Variants in PRELID2 observed in about 807,000 individuals in gnomAD.
PRELID2 encodes the protein PRELI domain containing 2.
PRELID2 carries 25 observed loss-of-function variants against 28.4 expected under a neutral mutation model. The observed-to-expected ratio is 0.88, with a 90% CI of 0.64 to 1.23. The LOEUF (loss-of-function observed/expected upper bound fraction) is 1.23, where lower values mean the gene tolerates loss of function less well. PRELID2 is among the 50% of genes most tolerant of loss of function. PRELID2 has a pLI of 0.00. For synonymous variants in PRELID2, 76 were observed against 71.6 expected, an observed-to-expected ratio of 1.06 and a Z score of -0.31; for missense variants, 201 against 214.4, an observed-to-expected ratio of 0.94 and a Z score of 0.39.
chr5:145,448,973 G>A, the PRELID2 span, among the ~76,000 whole-genome samples: 2 of 152,018 alleles, frequency 1.3e-5, no homozygotes, highest in African/African-American at 4.8e-5. Context: ...GAAATATACT[G>A]GATCATGCAA....
At chr5:145,501,186 A>T (rs1163536341) in intron 1 of PRELID2, among the ~76,000 whole-genome samples, 1 of 152,152 alleles carries the variant, frequency 6.6e-6, no homozygotes, top group Non-Finnish European at 1.5e-5. Flanking sequence ...GTTGTGTTAA[A>T]ATCTGGTTCA....
chr5:145,298,312 G>A, the PRELID2 span, among the ~76,000 whole-genome samples: 341 of 152,108 alleles, frequency 2.2e-3, 2 homozygotes, highest in African/African-American at 7.8e-3. Flanking sequence ...CAGAAATAAC[G>A]CCGCATATCT....
chr5:145,460,103 C>T, the PRELID2 span, among the ~76,000 whole-genome samples: 4 of 152,168 alleles, frequency 2.6e-5, no homozygotes, highest in Non-Finnish European at 5.9e-5. Flanking sequence ...GCCACTGTGC[C>T]CAGCCTGTTA....
At chr5:145,640,407 C>T (rs1462002589) in intron 1 of PRELID2, among the ~76,000 whole-genome samples, 3 of 146,938 alleles carry the variant, frequency 2.0e-5, no homozygotes, top group African/African-American at 5.1e-5. Flanking sequence ...ACCCGGGAGG[C>T]GGAGCTTGCA....
chr5:145,785,131 G>A (rs1378920642), intron 5 of PRELID2, among the ~76,000 whole-genome samples: 1 of 152,118 alleles, frequency 6.6e-6, no homozygotes, highest in Non-Finnish European at 1.5e-5. Flanking sequence ...TTTACTATGT[G>A]CCAGGCATAT....
At chr5:145,529,112 C>T (rs570117284) in intron 1 of PRELID2, among the ~76,000 whole-genome samples, 2 of 152,240 alleles carry the variant, frequency 1.3e-5, no homozygotes, top group Admixed American at 6.5e-5. Flanking sequence ...ATTAATTTGG[C>T]ATATAATGAA....
the PRELID2 span, among the ~76,000 whole-genome samples, chr5:145,261,105 G>A: frequency 6.6e-6 from 1 of 152,072 alleles, no homozygotes; most frequent in Admixed American, 6.6e-5. Flanking sequence ...ATCCACCCAG[G>A]AACGTAATTT....
At chr5:145,505,967 G>A (rs1324914685) in intron 1 of PRELID2, among the ~76,000 whole-genome samples, 1 of 152,176 alleles carries the variant, frequency 6.6e-6, no homozygotes, top group Non-Finnish European at 1.5e-5. Context: ...ATGGAAAATA[G>A]AATGGTGGTT....
At chr5:145,352,411 A>G in the PRELID2 span, among the ~76,000 whole-genome samples, 1 of 152,150 alleles carries the variant, frequency 6.6e-6, no homozygotes, top group African/African-American at 2.4e-5. Flanking sequence ...TGAGCTGTAC[A>G]TTGGCCCTTT....
At chr5:145,574,977 G>C (rs1020473759) in intron 1 of PRELID2, among the ~76,000 whole-genome samples, 1 of 152,170 alleles carries the variant, frequency 6.6e-6, no homozygotes, top group Non-Finnish European at 1.5e-5. Flanking sequence ...ATCCATGAAA[G>C]TGGAACCCAT....
the PRELID2 span, among the ~76,000 whole-genome samples, chr5:145,280,183 G>T: frequency 6.6e-6 from 1 of 152,010 alleles, no homozygotes; most frequent in Admixed American, 6.6e-5. Context: ...AAACATGCCG[G>T]CCCCCTCCCT....
intron 1 of PRELID2, among the ~76,000 whole-genome samples, chr5:145,682,293 T>C (rs1754952081): frequency 6.6e-6 from 1 of 152,202 alleles, no homozygotes; most frequent in African/African-American, 2.4e-5. Context: ...GGGAGGAAAA[T>C]GTACAGTTTC....
downstream of PRELID2, among the ~76,000 whole-genome samples, chr5:145,753,869 A>G (rs1757189390): frequency 6.6e-6 from 1 of 152,170 alleles, no homozygotes; most frequent in Non-Finnish European, 1.5e-5. Flanking sequence ...CTTTCAGTTA[A>G]CTTCTGTCCT....
chr5:145,664,535 C>T (rs1754552413), intron 1 of PRELID2, among the ~76,000 whole-genome samples: 1 of 152,088 alleles, frequency 6.6e-6, no homozygotes, highest in South Asian at 2.1e-4. Flanking sequence ...GAACACAGCT[C>T]TTCTCTGCTA....
chr5:145,684,882 T>C (rs1161354894), intron 1 of PRELID2, among the ~76,000 whole-genome samples: 2 of 152,148 alleles, frequency 1.3e-5, no homozygotes, highest in Non-Finnish European at 2.9e-5. Context: ...TGCCAGGATT[T>C]GAGGTCACAG....
the PRELID2 span, among the ~76,000 whole-genome samples, chr5:145,451,954 G>A: frequency 6.6e-6 from 1 of 152,148 alleles, no homozygotes; most frequent in Non-Finnish European, 1.5e-5. Flanking sequence ...GCCATCCCCA[G>A]ATTGGAAGAC....
chr5:145,599,477 C>T (rs1343778577), intron 1 of PRELID2, among the ~76,000 whole-genome samples: 1 of 152,068 alleles, frequency 6.6e-6, no homozygotes, highest in Non-Finnish European at 1.5e-5. Context: ...CATGAAGGTC[C>T]CAACTTCCTA....
intron 1 of PRELID2, among the ~76,000 whole-genome samples, chr5:145,732,831 A>G (rs1756383049): frequency 6.6e-6 from 1 of 152,190 alleles, no homozygotes; most frequent in Non-Finnish European, 1.5e-5. Context: ...CAGGGGTAGG[A>G]GTGGAAATGG....
At chr5:145,299,125 C>T in the PRELID2 span, among the ~76,000 whole-genome samples, 7 of 152,040 alleles carry the variant, frequency 4.6e-5, no homozygotes, top group African/African-American at 1.4e-4. Context: ...ACTCAAAACC[C>T]ATTTTGTTAT....
Sources: gnomAD v4.1 joint callset for allele counts (sites outside exome capture counted in the v4.1 genomes callset) on GRCh38, gnomAD v4.1.1 for gene constraint, MANE v1.5 for transcripts, NCBI Gene and HGNC (gene_info 2026-07-23, HGNC 2026-07-21) for gene names.